The following GPR158 variants were observed in gnomAD, a reference collection of about 807,000 sequenced individuals.
GPR158 encodes the protein metabotropic glycine receptor.
GPR158 carries 30 observed loss-of-function variants against 78.2 expected under a neutral mutation model. The ratio of observed to expected loss-of-function variants is 0.38; its 90% CI spans 0.29 to 0.52. The LOEUF (loss-of-function observed/expected upper bound fraction) is 0.52. Among genes scored for constraint, GPR158 ranks in the 20% least tolerant of loss-of-function variants. GPR158 has a pLI of 0.83. For synonymous variants in GPR158, 581 were observed against 591.1 expected, an observed-to-expected ratio of 0.98 and a Z score of 0.25; for missense variants, 1,463 against 1,523.5, an observed-to-expected ratio of 0.96 and a Z score of 0.66.
Position 25,575,994 on chromosome 10 carries a change from T to C in GPR158, c.1753+3107T>C, listed in dbSNP as rs182337102. On this transcript the variant is annotated intron_variant, in intron 7 of 10. Coordinates refer to ENST00000376351, the MANE Select transcript of GPR158 (RefSeq NM_020752.3). ...CCACTCTCACTTTATATGAACTTTC[T>C]GTTATCTAAAACTCCCCTACCTCCA... Among the ~76,000 whole-genome samples, 11 of 86,514 alleles carry C rather than the reference T, an allele frequency of 1.3e-4. No homozygotes were observed. The East Asian group carries it at 3.0e-3, about 24-fold the overall frequency. The allele number at this position is 86,514 out of a possible 152,430, so 56.8% of individuals were successfully genotyped here.
chr10:25,443,471 C>A (rs917686529), intron 4 of GPR158, among the ~76,000 whole-genome samples: 1 of 150,358 alleles, frequency 6.7e-6, no homozygotes, highest in Non-Finnish European at 1.5e-5. Context: ...AGGAGAATAT[C>A]TTGAACCTGG....
chr10:25,337,428 T>G (rs1247734313), intron 2 of GPR158, among the ~76,000 whole-genome samples: 2 of 152,130 alleles, frequency 1.3e-5, no homozygotes, highest in Admixed American at 6.6e-5. Context: ...GTGTCTGGCT[T>G]TTTTTGCGTA....
chr10:25,261,840 A>G (rs544386862), intron 2 of GPR158, among the ~76,000 whole-genome samples: 7 of 152,262 alleles, frequency 4.6e-5, no homozygotes, highest in South Asian at 2.1e-4. Context: ...AGGTGTAGCA[A>G]ATAATTTTGG....
At chr10:25,508,456 G>A (rs1836042455) in intron 5 of GPR158, among the ~76,000 whole-genome samples, 2 of 152,182 alleles carry the variant, frequency 1.3e-5, no homozygotes, top group African/African-American at 4.8e-5. Flanking sequence ...TCATTTTAGG[G>A]TGGAGTTTTA....
At chr10:25,433,547 T>TGTGTGTTGTGTGTGTGTTG (rs67750453) in intron 4 of GPR158, among the ~76,000 whole-genome samples, 8 of 96,450 alleles carry the variant, frequency 8.3e-5, no homozygotes, top group African/African-American at 2.2e-4. Flanking sequence ...TGTGTGTGTG[T>TGTGTGTTGTGTGTGTGTTG]TGTGTGTGTG....
Position 25,260,316 on chromosome 10 carries a change from G to A in GPR158, c.1008+39159G>A, listed in dbSNP as rs948335180. Among the ~76,000 whole-genome samples, 29 of 152,036 alleles carry A rather than the reference G, an allele frequency of 1.9e-4. 2 individuals are homozygous for A. Among genetic ancestry groups the A allele is most frequent in the Admixed American group, 1.9e-3 (29 of 15,250 alleles). Reference sequence around the variant, plus strand: ...AGGAGGCTAATTTTGCATATATTATGAGGCCATGTTTCTTAGAATTTCATC... The same window carrying A: ...AGGAGGCTAATTTTGCATATATTATAAGGCCATGTTTCTTAGAATTTCATC... On this transcript the variant is annotated intron_variant, in intron 2 of 10. Transcript: ENST00000376351.
chr10:25,192,710 T>C (rs139295892), intron 1 of GPR158, among the ~76,000 whole-genome samples: 1 of 152,144 alleles, frequency 6.6e-6, no homozygotes, highest in African/African-American at 2.4e-5. Context: ...TGGTTCTACC[T>C]ACAATTATTC....
chr10:25,281,135 C>CAAAA (rs35128473), intron 2 of GPR158, among the ~76,000 whole-genome samples: 1 of 112,096 alleles, frequency 8.9e-6, no homozygotes, highest in African/African-American at 3.3e-5. Flanking sequence ...AACTCTATCT[C>CAAAA]AAAAAAAAAA....
At chr10:25,324,832 T>TTTC (rs35301670) in intron 2 of GPR158, among the ~76,000 whole-genome samples, 3 of 37,320 alleles carry the variant, frequency 8.0e-5, no homozygotes, top group Non-Finnish European at 1.4e-4. Context: ...TTTTTCTTTC[T>TTTC]TTTTTTTTTT....
At chr10:25,212,489 T>C (rs1853145632) in intron 1 of GPR158, among the ~76,000 whole-genome samples, 1 of 152,124 alleles carries the variant, frequency 6.6e-6, no homozygotes, top group South Asian at 2.1e-4. Flanking sequence ...ACATGAGATT[T>C]AGGCGGGAAC....
At chr10:25,418,684 G>A (rs543420973) in intron 4 of GPR158, among the ~76,000 whole-genome samples, 48 of 146,342 alleles carry the variant, frequency 3.3e-4, no homozygotes, top group African/African-American at 1.2e-3. Flanking sequence ...TCAAGTGTTA[G>A]TATAATTTAT....
chr10:25,197,783 A>C (rs956978776), intron 1 of GPR158, among the ~76,000 whole-genome samples: 4 of 152,176 alleles, frequency 2.6e-5, no homozygotes, highest in African/African-American at 9.7e-5. Flanking sequence ...CTTCATCTAT[A>C]AAGTGAGAAA....
intron 2 of GPR158, among the ~76,000 whole-genome samples, chr10:25,380,415 A>G (rs1834138301): frequency 6.6e-6 from 1 of 152,114 alleles, no homozygotes; most frequent in South Asian, 2.1e-4. Context: ...CACAATTTGC[A>G]TTTGCTTCTT....
intron 6 of GPR158, among the ~76,000 whole-genome samples, chr10:25,554,938 A>G (rs1193288582): frequency 6.6e-6 from 1 of 152,094 alleles, no homozygotes; most frequent in African/African-American, 2.4e-5. Context: ...GACCACTCAC[A>G]TAGCCCCACC....
chr10:25,563,791 CTTA>C (rs148975958), intron 6 of GPR158, among the ~76,000 whole-genome samples: 18,788 of 151,942 alleles, frequency 0.12, 2,163 homozygotes, highest in African/African-American at 0.3. Flanking sequence ...CAGATTTATA[CTTA>C]TTGTTTTATG....
At chr10:25,531,926 T>G (rs1052373629) in intron 5 of GPR158, among the ~76,000 whole-genome samples, 1 of 152,156 alleles carries the variant, frequency 6.6e-6, no homozygotes, top group Non-Finnish European at 1.5e-5. Flanking sequence ...CTTATCATCT[T>G]TCCATGATAC....
At chr10:25,251,267 A>C (rs1031792681) in intron 2 of GPR158, among the ~76,000 whole-genome samples, 1 of 152,118 alleles carries the variant, frequency 6.6e-6, no homozygotes, top group African/African-American at 2.4e-5. Context: ...CTCTTTATCC[A>C]ATTTGCCAGT....
chr10:25,488,605 G>C (rs1267155799), intron 5 of GPR158, among the ~76,000 whole-genome samples: 2 of 152,088 alleles, frequency 1.3e-5, no homozygotes, highest in Admixed American at 6.6e-5. Context: ...CACAATACAG[G>C]CTTCGTTTTG....
At chr10:25,583,075 G>A (rs188629729) in intron 7 of GPR158, among the ~76,000 whole-genome samples, 3 of 152,324 alleles carry the variant, frequency 2.0e-5, no homozygotes, top group East Asian at 1.9e-4. Context: ...CTCACAGGGC[G>A]AGTGCAGCTG....
Sources: gnomAD v4.1 joint callset for allele counts (sites outside exome capture counted in the v4.1 genomes callset) on GRCh38, gnomAD v4.1.1 for gene constraint, MANE v1.5 for transcripts, NCBI Gene and HGNC (gene_info 2026-07-23, HGNC 2026-07-21) for gene names.